FCRL5: variants seen among roughly 807,000 people sequenced by gnomAD.
FCRL5 encodes Fc receptor like 5.
A neutral mutation model predicts 92.1 loss-of-function variants in FCRL5; 79 were observed. That is an observed-to-expected ratio of 0.86 (90% CI 0.72 to 1.03). The LOEUF is 1.03. Among genes scored for constraint, FCRL5 ranks in the 50% least tolerant of loss-of-function variants. The pLI is 0.00. For missense variants in FCRL5, 1,160 were observed against 1,181.1 expected (o/e 0.98, Z 0.26); for synonymous variants, 466 against 469.3 (o/e 0.99, Z 0.09).
At chr1:157,551,066 G>A (rs1327850951) in intron 1 of FCRL5, among the ~76,000 whole-genome samples, 1 of 152,204 alleles carries the variant, frequency 6.6e-6, no homozygotes, top group Admixed American at 6.5e-5. Context: ...TGTTTTAAAT[G>A]AAGCTAATAT....
At chr1:157,540,955 C>A (rs971477355) in intron 6 of FCRL5, among the ~76,000 whole-genome samples, 4 of 152,154 alleles carry the variant, frequency 2.6e-5, no homozygotes, top group African/African-American at 9.7e-5. Flanking sequence ...CATGCTGAGG[C>A]CCCGAGTGGG....
chr1:157,545,024 C>T lies in FCRL5; in HGVS notation c.366G>A (p.Arg122=). ...GTGTTACTTCCGCCTTTGCCCGGCA[C>T]CTCAGAACCACAGAGTCTCCTTCAA... ...SVFEGDSVVL[R]CRAKAEVTLN... Residue 122 remains arginine (R), a synonymous_variant, in exon 4 of 17, where the codon AGG becomes AGA. Coordinates refer to ENST00000361835, the MANE Select transcript of FCRL5 (RefSeq NM_031281.3). The T allele has an allele frequency of 6.2e-7, 1 of 1,613,440 alleles. No homozygotes were observed. The highest frequency in any genetic ancestry group is 8.5e-7 in the Non-Finnish European group (1 of 1,180,032).
In FCRL5 at chr1:157,519,764, T is replaced by C; in HGVS notation, c.2639A>G (p.Lys880Arg). Residue 880 changes from lysine to arginine, a missense_variant, in exon 13 of 17, where the codon AAG (lysine) becomes AGG (arginine). Physicochemically the swap from Lys to Arg is conservative, Grantham distance 26. Coordinates refer to ENST00000361835, the MANE Select transcript of FCRL5 (RefSeq NM_031281.3). Reference protein sequence around the residue: ...YCWLSRKAGRKPASDPARSPS... With the variant: ...YCWLSRKAGRRPASDPARSPS... ...TTACCTGGCGGGGTCAGAGGCAGGC[T>C]TTCTCCCTGTAAAGGAAAGCAGAGG... is the stretch of plus-strand genomic sequence containing the variant. The C allele has an allele frequency of 6.2e-7, 1 of 1,614,016 alleles. No homozygotes were observed. Among genetic ancestry groups the C allele is most frequent in the Non-Finnish European group, 8.5e-7 (1 of 1,179,992 alleles).
chr1:157,543,222 C>T, intron 5 of FCRL5, 85 bp from the exon 6 acceptor site: 1 of 1,327,352 alleles, frequency 7.5e-7, no homozygotes, highest in Non-Finnish European at 1.0e-6. Flanking sequence ...TGCCCAGTCT[C>T]CAGTCTCCAC....
chr1:157,549,837 A>C (rs1016488552), intron 1 of FCRL5, among the ~76,000 whole-genome samples: 1 of 152,148 alleles, frequency 6.6e-6, no homozygotes, highest in African/African-American at 2.4e-5. Flanking sequence ...CTAGTGGAAA[A>C]ACAGAAACAC....
chr1:157,545,553 G>T lies in FCRL5; in HGVS notation c.308-471C>A, dbSNP rs530346109. On this transcript the variant is annotated intron_variant, in intron 3 of 16. Coordinates refer to ENST00000361835, the MANE Select transcript of FCRL5 (RefSeq NM_031281.3). ...TTTTTTTTTTTTTTTTTTTGAGACG[G>T]AGTCTCACTCTTTCACCCAGGCAGG... is the stretch of plus-strand genomic sequence containing the variant. Among the ~76,000 whole-genome samples the T allele has an allele frequency of 1.7e-4, 23 of 131,760 alleles. 1 individual carries two copies. The South Asian group carries it at 4.8e-3, about 27-fold the overall frequency. The allele number at this position is 131,760 out of a possible 152,430, so 86.4% of individuals were successfully genotyped here.
rs1403167566 is a variant in FCRL5 at position 157,513,857 on chromosome 1, T to G, written c.*1818A>C. 1 of 152,238 alleles carries G rather than the reference T, an allele frequency of 6.6e-6. No individual in the cohort carries two copies. Among genetic ancestry groups the G allele is most frequent in the Admixed American group, 6.5e-5 (1 of 15,288 alleles). 9.4% of individuals were successfully genotyped at this position (152,238 alleles called of 1,614,324 possible). On this transcript the variant is annotated 3_prime_UTR_variant, in exon 17 of 17. Transcript: ENST00000361835. ...GTGAGCAGATTTTTTTCTTTAATCC[T>G]GAGCCTATGCTTGCTGCTGTCCTTC...
At chr1:157,537,657 G>T (rs186182733) in intron 7 of FCRL5, among the ~76,000 whole-genome samples, 1 of 152,074 alleles carries the variant, frequency 6.6e-6, no homozygotes, top group African/African-American at 2.4e-5. Context: ...AAACTTGCTG[G>T]TTTTATGGCT....
intron 3 of FCRL5, among the ~76,000 whole-genome samples, chr1:157,545,845 A>G (rs1433730311): frequency 1.3e-5 from 2 of 151,992 alleles, no homozygotes; most frequent in African/African-American, 4.8e-5. Flanking sequence ...CTTTTTCTAA[A>G]CCATGTTAAG....
At chr1:157,531,395 C>A (rs1430398775) in intron 8 of FCRL5, among the ~76,000 whole-genome samples, 9 of 152,098 alleles carry the variant, frequency 5.9e-5, no homozygotes, top group Admixed American at 3.3e-4. Context: ...ACAGCCACCA[C>A]AAGAAACAGC....
chr1:157,544,172 TAC>T, intron 5 of FCRL5, 88 bp downstream of exon 5: 1 of 1,404,546 alleles, frequency 7.1e-7, no homozygotes. Context: ...GAGTTTTTTC[TAC>T]AGAGACTGGT....
intron 12 of FCRL5, 95 bp downstream of exon 12, chr1:157,520,336 C>T: frequency 2.3e-6 from 2 of 853,914 alleles, no homozygotes; most frequent in Non-Finnish European, 3.8e-6. Flanking sequence ...TGAGCTCTTG[C>T]GAGCCTGGGA....
At chr1:157,521,410 A>G in intron 10 of FCRL5, 118 bp from the exon 11 acceptor site, 1 of 1,242,060 alleles carries the variant, frequency 8.1e-7, no homozygotes, top group Non-Finnish European at 1.1e-6. Context: ...AGATTAAAAC[A>G]TAGATGATAA....
intron 2 of FCRL5, 130 bp from the exon 3 acceptor site, chr1:157,547,327 T>G (rs1407005871): frequency 3.3e-6 from 4 of 1,229,536 alleles, no homozygotes; most frequent in African/African-American, 1.5e-5. Context: ...GGGTCACTGA[T>G]AGCTCAAAGC....
At position 157,544,548 on chromosome 1, in the gene FCRL5, T is replaced by C; in HGVS notation, c.560-2A>G. On this transcript the variant is annotated splice_acceptor_variant, in intron 4 of 16. Transcript: ENST00000361835. LOFTEE classifies it high-confidence loss of function. ...TCAGCACTGGACGTGTAAATGGCTCTAGAGAGAAGAATCACAACAGTCCCA... is the reference window on the plus strand; with the variant it reads ...TCAGCACTGGACGTGTAAATGGCTCCAGAGAGAAGAATCACAACAGTCCCA... 6.2e-7 allele frequency: 1 copy of C among 1,612,400 alleles called. No individual in the cohort carries two copies. Among genetic ancestry groups the C allele is most frequent in the Non-Finnish European group, 8.5e-7 (1 of 1,178,840 alleles).
intron 7 of FCRL5, among the ~76,000 whole-genome samples, chr1:157,537,540 C>T (rs766541601): frequency 3.9e-5 from 6 of 152,174 alleles, no homozygotes; most frequent in Non-Finnish European, 7.3e-5. Context: ...TGTGAGCTCA[C>T]CCTGCCTCCA....
At chr1:157,532,311 G>T (rs1315421190) in intron 8 of FCRL5, 2 of 152,054 alleles carry the variant, frequency 1.3e-5, no homozygotes, top group African/African-American at 4.8e-5. Flanking sequence ...CAGGCTACTA[G>T]TTGGTTTTCC....
intron 9 of FCRL5, among the ~76,000 whole-genome samples, chr1:157,526,804 T>C (rs4971127): frequency 0.72 from 109,784 of 151,692 alleles, 42,833 homozygotes; most frequent in South Asian, 0.86. Context: ...ACAATAGTGA[T>C]AGGAGGAGCT....
intron 10 of FCRL5, chr1:157,521,690 A>G (rs1190645087): frequency 3.9e-5 from 6 of 155,368 alleles, no homozygotes; most frequent in African/African-American, 1.2e-4. Flanking sequence ...TGGTAATACA[A>G]ATTTAACACA....
Sources: gnomAD v4.1 joint callset for allele counts (sites outside exome capture counted in the v4.1 genomes callset) on GRCh38, gnomAD v4.1.1 for gene constraint, MANE v1.5 for transcripts, NCBI Gene and HGNC (gene_info 2026-07-23, HGNC 2026-07-21) for gene names.